The following UPF3A variants were observed in gnomAD, a reference collection of about 807,000 sequenced individuals.
The protein encoded by UPF3A is regulator of nonsense transcripts 3A.
A neutral mutation model predicts 53.5 loss-of-function variants in UPF3A; 42 were observed. The ratio of observed to expected loss-of-function variants is 0.78; its 90% CI spans 0.61 to 1.01. UPF3A has a LOEUF of 1.01. Among genes scored for constraint, UPF3A ranks in the 50% least tolerant of loss-of-function variants. The pLI is 0.00. For synonymous variants in UPF3A, 237 were observed against 225.3 expected (o/e 1.05, Z -0.47); for missense variants, 575 against 598.0 (o/e 0.96, Z 0.40).
intron 7 of UPF3A, among the ~76,000 whole-genome samples, chr13:114,296,035 G>C (rs1189215041): frequency 2.6e-5 from 4 of 152,054 alleles, no homozygotes; most frequent in Non-Finnish European, 4.4e-5. Flanking sequence ...GTCACCGGTG[G>C]CCAGTGACTT....
At chr13:114,294,274 G>C (rs566561539) in intron 7 of UPF3A, among the ~76,000 whole-genome samples, 40 of 47,500 alleles carry the variant, frequency 8.4e-4, no homozygotes, top group Admixed American at 7.3e-3. Context: ...TGGTTTTGGT[G>C]GGGGGGGGGT....
At chr13:114,294,290 A>G (rs7320104) in intron 7 of UPF3A, among the ~76,000 whole-genome samples, 33,957 of 148,148 alleles carry the variant, frequency 0.23, 5,203 homozygotes, top group African/African-American at 0.44. Flanking sequence ...GGGGTTTGAG[A>G]CAGGGTCTCA....
intron 3 of UPF3A, 85 bp downstream of exon 3, chr13:114,283,028 A>G: frequency 9.1e-7 from 1 of 1,104,860 alleles, no homozygotes; most frequent in African/African-American, 1.6e-5. Context: ...TTTTTAAATT[A>G]TTATTATTTT....
rs755528168 is a variant in UPF3A, at chr13:114,304,775, T to G, written c.1303-14T>G. ...TACCTCTTGGAAGAGTAACATGCCCTCTTATCCTGGCAGGACCGGCCAGCC... is the reference window on the plus strand; with the variant it reads ...TACCTCTTGGAAGAGTAACATGCCCGCTTATCCTGGCAGGACCGGCCAGCC... On this transcript the variant is annotated splice_polypyrimidine_tract_variant and intron_variant, in intron 9 of 9. Transcript: ENST00000375299. 4.3e-6 allele frequency: 7 copies of G among 1,613,128 alleles called. No individual in the cohort carries two copies. The Admixed American group carries it at 1.0e-4, about 23-fold the overall frequency.
At chr13:114,283,999 ATGCT>A in intron 3 of UPF3A, 1 of 985,446 alleles carries the variant, frequency 1.0e-6, no homozygotes, top group Non-Finnish European at 1.2e-6. Context: ...AGCAAATGTG[ATGCT>A]TGAACTGACC....
At chr13:114,298,813 T>C in intron 7 of UPF3A, 27 bp from the exon 8 acceptor site, 1 of 1,515,944 alleles carries the variant, frequency 6.6e-7, no homozygotes, top group Non-Finnish European at 8.8e-7. Flanking sequence ...CTCAAGGTGA[T>C]ACTTTACTAA....
intron 8 of UPF3A, among the ~76,000 whole-genome samples, chr13:114,299,505 T>C (rs904495411): frequency 6.6e-6 from 1 of 152,250 alleles, no homozygotes; most frequent in African/African-American, 2.4e-5. Flanking sequence ...TGGTTGAAGC[T>C]GTCCCTGGCT....
Position 114,283,805 on chromosome 13 carries a change from C to T in UPF3A, c.421+862C>T, listed in dbSNP as rs370083215. On this transcript the variant is annotated intron_variant, in intron 3 of 9. Coordinates refer to ENST00000375299, the MANE Select transcript of UPF3A (RefSeq NM_023011.4). The stretch of plus-strand genomic sequence containing the variant: ...CTGTCAGGCTGTCTGCTGTTGTGTT[C>T]CTGGCTGTCAAGTTTGTATACCTTT... 1.7e-5 allele frequency: 17 copies of T among 985,438 alleles called. No individual in the cohort carries two copies. In the East Asian group the frequency reaches 9.1e-4, roughly 52 times the overall value. The allele number at this position is 985,438 out of a possible 1,614,324, so 61.0% of individuals were successfully genotyped here. A position where few individuals can be genotyped will look rare whatever the true frequency, so the allele number is the denominator to read the frequency against.
At chr13:114,304,164 T>C (rs1458772618) in intron 9 of UPF3A, among the ~76,000 whole-genome samples, 1 of 152,192 alleles carries the variant, frequency 6.6e-6, no homozygotes, top group African/African-American at 2.4e-5. Flanking sequence ...TGCCACCCCT[T>C]CAGTGCTGGG....
intron 5 of UPF3A, among the ~76,000 whole-genome samples, chr13:114,288,046 C>G (rs1043754304): frequency 1.3e-5 from 2 of 152,210 alleles, no homozygotes; most frequent in African/African-American, 2.4e-5. Context: ...CTCAGATGAT[C>G]CGCCTGCCTC....
Position 114,294,772 on chromosome 13 carries a change from C to G in UPF3A, c.846+2980C>G, listed in dbSNP as rs191278462. On this transcript the variant is annotated intron_variant, in intron 7 of 9. Transcript: ENST00000375299. ...CCTGGGAGGCAGAGGTTGCAGTGAG[C>G]TGAGATCACGCCACTGCACTCCAGC... is the stretch of plus-strand genomic sequence containing the variant. Among the ~76,000 whole-genome samples the G allele has an allele frequency of 2.4e-3, 367 of 151,808 alleles. 1 individual carries two copies. Among genetic ancestry groups the G allele is most frequent in the African/African-American group, 8.5e-3 (351 of 41,342 alleles).
At position 114,281,680 on chromosome 13, in the gene UPF3A, C is replaced by T. The variant is rs201273206; in HGVS notation, c.41C>T (p.Ala14Val). 701 of 1,532,570 alleles carry T rather than the reference C, an allele frequency of 4.6e-4. 3 individuals are homozygous for T. The African/African-American group carries it at 8.8e-3, about 19-fold the overall frequency. The allele number at this position is 1,532,570 out of a possible 1,614,324, so 94.9% of individuals were successfully genotyped here. A position where few individuals can be genotyped will look rare whatever the true frequency, so the allele number is the denominator to read the frequency against. Residue 14 changes from alanine to valine, a missense_variant, in exon 1 of 10, where the codon GCC (alanine) becomes GTC (valine). Around this residue, in one of 2 missense-constraint regions of UPF3A, gnomAD observed 252 missense variants for 182.7 expected, o/e 1.38. Coordinates refer to ENST00000375299, the MANE Select transcript of UPF3A (RefSeq NM_023011.4). ...GAGGGGGCCGGAGGCCTTCGGGCGG[C>T]CGTTGCCGCGCGGGGCCCGAGCGGG... Reference protein sequence around the residue: ...EKEGAGGLRAAVAARGPSGRE... With the variant: ...EKEGAGGLRAVVAARGPSGRE...
At chr13:114,302,148 G>C in intron 9 of UPF3A, 123 bp downstream of exon 9, 1 of 977,340 alleles carries the variant, frequency 1.0e-6, no homozygotes, top group Non-Finnish European at 1.4e-6. Flanking sequence ...GCATTTTCAA[G>C]AGCAGTTTTT....
At chr13:114,289,678 G>T (rs985582128) in intron 5 of UPF3A, among the ~76,000 whole-genome samples, 1 of 152,228 alleles carries the variant, frequency 6.6e-6, no homozygotes, top group Admixed American at 6.5e-5. Context: ...CTCTGGAGTT[G>T]TTGAGTTAGT....
chr13:114,293,071 CAAAAAAAAAA>C (rs1164617444), intron 7 of UPF3A, among the ~76,000 whole-genome samples: 1 of 49,610 alleles, frequency 2.0e-5, no homozygotes, highest in South Asian at 7.7e-4. Flanking sequence ...GACTCCCTCT[CAAAAAAAAAA>C]AAAAAAAAAA....
chr13:114,282,140 C>T lies in UPF3A; in HGVS notation c.314+13C>T, dbSNP rs2084126843. On this transcript the variant is annotated intron_variant, in intron 2 of 9. Transcript: ENST00000375299. ...CCGCCGACCTGAGGTGAGGCCCGCC[C>T]CGAGGGGAGGAAGAGAGGGCGGAAC... 6.5e-7 allele frequency: 1 copy of T among 1,543,766 alleles called. No homozygotes were observed. Among genetic ancestry groups the T allele is most frequent in the South Asian group, 1.2e-5 (1 of 83,900 alleles).
rs1347825573 is a variant in UPF3A at position 114,281,617 on chromosome 13, T to C, written c.-23T>C. On this transcript the variant is annotated 5_prime_UTR_variant, in exon 1 of 10. Transcript: ENST00000375299. ...CGAGGTTTCGTCGGGGGCTGGCGGC[T>C]GCGGCTCGGCGGAGAGTGCGGCATG... The C allele has an allele frequency of 7.1e-7, 1 of 1,406,826 alleles. No individual in the cohort carries two copies. The allele number at this position is 1,406,826 out of a possible 1,614,324, so 87.1% of individuals were successfully genotyped here.
intron 7 of UPF3A, among the ~76,000 whole-genome samples, chr13:114,294,985 G>A (rs1271278160): frequency 6.6e-6 from 1 of 151,752 alleles, no homozygotes; most frequent in African/African-American, 2.4e-5. Flanking sequence ...GGTGGCGGGA[G>A]CCTGTAGTCC....
At position 114,281,665 on chromosome 13, in the gene UPF3A, G is replaced by A; in HGVS notation, c.26G>A (p.Gly9Glu). The change falls in exon 1 of 10, where the codon GGA becomes GAA. Residue 9 changes from glycine (G) to glutamate (E), a missense_variant. Physicochemically the swap from Gly to Glu is moderately conservative, Grantham distance 98. Transcript: ENST00000375299. MRSEKEGA[G>E]GLRAAVAARG... The stretch of plus-strand genomic sequence containing the variant: ...ATGCGCTCGGAAAAGGAGGGGGCCG[G>A]AGGCCTTCGGGCGGCCGTTGCCGCG... 1 of 1,523,764 alleles carries A rather than the reference G, an allele frequency of 6.6e-7. No homozygotes were observed. Among genetic ancestry groups the A allele is most frequent in the Non-Finnish European group, 8.8e-7 (1 of 1,137,048 alleles). 94.4% of individuals were successfully genotyped at this position (1,523,764 alleles called of 1,614,324 possible).
Sources: allele counts gnomAD v4.1 joint callset (sites outside exome capture counted in the v4.1 genomes callset), GRCh38; gene constraint gnomAD v4.1.1; regional missense constraint gnomAD v4.1.1; transcripts MANE v1.5; gene names NCBI Gene and HGNC (gene_info 2026-07-23, HGNC 2026-07-21).